Variants in ATOSA observed in about 807,000 individuals in gnomAD.
ATOSA encodes atos homolog protein A.
chr15:52,665,605 G>C, the ATOSA span, among the ~76,000 whole-genome samples: 1 of 151,806 alleles, frequency 6.6e-6, no homozygotes, highest in Non-Finnish European at 1.5e-5. Context: ...AAAAATGTTT[G>C]TATATACTTT....
chr15:52,641,778 A>AT, the ATOSA span, among the ~76,000 whole-genome samples: 1 of 152,140 alleles, frequency 6.6e-6, no homozygotes, highest in East Asian at 1.9e-4. Context: ...ACATTTTCTG[A>AT]TTTTTTCCCC....
chr15:52,652,937 A>G, the ATOSA span, among the ~76,000 whole-genome samples: 1 of 152,208 alleles, frequency 6.6e-6, no homozygotes, highest in Non-Finnish European at 1.5e-5. Context: ...GGGAGAATCA[A>G]TGAAGGTAGT....
the ATOSA span, among the ~76,000 whole-genome samples, chr15:52,707,533 T>A: frequency 1.3e-5 from 2 of 152,134 alleles, no homozygotes; most frequent in Non-Finnish European, 2.9e-5. Flanking sequence ...TTATTCCAGA[T>A]TAAAGGAAGT....
At chr15:52,684,619 A>AT in the ATOSA span, among the ~76,000 whole-genome samples, 6 of 152,200 alleles carry the variant, frequency 3.9e-5, no homozygotes, top group South Asian at 2.1e-4. Flanking sequence ...TATGAATCTA[A>AT]TTTTTTTTAC....
the ATOSA span, among the ~76,000 whole-genome samples, chr15:52,603,614 T>C: frequency 4.4e-5 from 6 of 137,574 alleles, no homozygotes; most frequent in African/African-American, 1.6e-4. Context: ...ATGAAGAAAA[T>C]GTAGTATATA....
At chr15:52,652,005 T>A in the ATOSA span, 1 of 1,526,110 alleles carries the variant, frequency 6.6e-7, no homozygotes, top group South Asian at 1.2e-5. Context: ...AAAACAAATG[T>A]TCAGCGTTGG....
chr15:52,612,502 T>A, the ATOSA span, among the ~76,000 whole-genome samples: 4 of 81,612 alleles, frequency 4.9e-5, no homozygotes, highest in Non-Finnish European at 8.9e-5. Context: ...ATAAACAAGA[T>A]CTTTTTTTTT....
At chr15:52,682,624 G>A in the ATOSA span, among the ~76,000 whole-genome samples, 1 of 152,092 alleles carries the variant, frequency 6.6e-6, no homozygotes, top group African/African-American at 2.4e-5. Flanking sequence ...ATGAATAAGT[G>A]GTTGAGAGTC....
At chr15:52,611,732 T>A in the ATOSA span, 1 of 1,614,020 alleles carries the variant, frequency 6.2e-7, no homozygotes, top group Non-Finnish European at 8.5e-7. Flanking sequence ...AGGTTATTCT[T>A]CCACAACAAT....
At chr15:52,582,871 C>T in the ATOSA span, among the ~76,000 whole-genome samples, 2 of 152,236 alleles carry the variant, frequency 1.3e-5, no homozygotes, top group Admixed American at 1.3e-4. Context: ...GTATATGAAA[C>T]TGTTTCTATC....
chr15:52,704,710 A>G, the ATOSA span, among the ~76,000 whole-genome samples: 1 of 152,262 alleles, frequency 6.6e-6, no homozygotes, highest in African/African-American at 2.4e-5. Context: ...ATGAACAGAC[A>G]GTTCTCAAAA....
the ATOSA span, among the ~76,000 whole-genome samples, chr15:52,635,180 A>T: frequency 6.6e-6 from 1 of 152,224 alleles, no homozygotes; most frequent in South Asian, 2.1e-4. Context: ...AAGGAGAAAT[A>T]GAAACACCCA....
the ATOSA span, among the ~76,000 whole-genome samples, chr15:52,626,845 G>C: frequency 1.2e-4 from 18 of 152,176 alleles, no homozygotes; most frequent in African/African-American, 4.1e-4. Context: ...TGAAGCCTTA[G>C]ATATTTGTCA....
the ATOSA span, among the ~76,000 whole-genome samples, chr15:52,646,705 A>G: frequency 6.6e-6 from 1 of 152,214 alleles, no homozygotes; most frequent in African/African-American, 2.4e-5. Context: ...AGTCTGTTTT[A>G]AGCCTCAATT....
chr15:52,673,242 A>G, the ATOSA span, among the ~76,000 whole-genome samples: 1 of 152,264 alleles, frequency 6.6e-6, no homozygotes, highest in African/African-American at 2.4e-5. Context: ...GCTGAGGCAG[A>G]GAGGACAAGC....
chr15:52,663,667 G>C, the ATOSA span, among the ~76,000 whole-genome samples: 2 of 152,118 alleles, frequency 1.3e-5, no homozygotes, highest in Non-Finnish European at 2.9e-5. Context: ...TGTTGCCCAG[G>C]CTAGAGTGCA....
At chr15:52,623,118 G>A in the ATOSA span, among the ~76,000 whole-genome samples, 8 of 151,518 alleles carry the variant, frequency 5.3e-5, no homozygotes, top group South Asian at 1.5e-3. Context: ...ATGATTGCAC[G>A]ACTGTACTCC....
the ATOSA span, among the ~76,000 whole-genome samples, chr15:52,630,577 T>C: frequency 1.3e-5 from 2 of 152,224 alleles, no homozygotes; most frequent in Non-Finnish European, 2.9e-5. Flanking sequence ...GAAGTGGTCA[T>C]ACACTGCTAG....
At chr15:52,588,063 A>AGG in the ATOSA span, among the ~76,000 whole-genome samples, 1 of 152,188 alleles carries the variant, frequency 6.6e-6, no homozygotes. Context: ...AGTCTAAAAG[A>AGG]GGATATCAGG....
Sources: allele counts gnomAD v4.1 joint callset (sites outside exome capture counted in the v4.1 genomes callset), GRCh38; gene constraint gnomAD v4.1.1; transcripts MANE v1.5; gene names NCBI Gene and HGNC (gene_info 2026-07-23, HGNC 2026-07-21).